The following PRDM15 variants were observed in gnomAD, a reference collection of about 807,000 sequenced individuals.
PRDM15 encodes PR/SET domain 15.
PRDM15 carries 64 observed loss-of-function variants against 128.6 expected under a neutral mutation model. That is an observed-to-expected ratio of 0.50 (90% CI 0.41 to 0.61). The LOEUF (loss-of-function observed/expected upper bound fraction) is 0.61. Among genes scored for constraint, PRDM15 ranks in the 20% least tolerant of loss-of-function variants. The pLI is 0.00. For synonymous variants in PRDM15, 615 were observed against 621.8 expected (o/e 0.99, Z 0.16); for missense variants, 1,242 against 1,569.1 (o/e 0.79, Z 3.52).
At chr21:41,806,459 C>T (rs1332296818) in intron 21 of PRDM15, among the ~76,000 whole-genome samples, 13 of 74,700 alleles carry the variant, frequency 1.7e-4, no homozygotes, top group Non-Finnish European at 2.1e-4. Flanking sequence ...CACCCATCAC[C>T]ATCACCACCA....
At chr21:41,872,393 ATATAT>A (rs1479156618) in intron 1 of PRDM15, among the ~76,000 whole-genome samples, 1 of 152,190 alleles carries the variant, frequency 6.6e-6, no homozygotes, top group Non-Finnish European at 1.5e-5. Flanking sequence ...AAATCGATGT[ATATAT>A]TATGACTCTG....
chr21:41,854,920 G>T lies in PRDM15; in HGVS notation c.286-102C>A. 1 of 1,348,074 alleles carries T rather than the reference G, an allele frequency of 7.4e-7. No individual in the cohort carries two copies. Among genetic ancestry groups the T allele is most frequent in the African/African-American group, 1.5e-5 (1 of 68,932 alleles). 83.5% of individuals were successfully genotyped at this position (1,348,074 alleles called of 1,614,324 possible). ...GTGCTGAGGAACCCATCTAGACAGT[G>T]CCACGTCAGAGGCCATAAGGGCTCC... is the stretch of plus-strand genomic sequence containing the variant. On this transcript the variant is annotated intron_variant, in intron 4 of 23. Transcript: ENST00000398548. The surrounding 1 kb of genome is among the most constrained non-coding windows in gnomAD (Gnocchi z 4.6).
chr21:41,874,525 A>ATATATATATATATATATATTTTTTTT, intron 1 of PRDM15, among the ~76,000 whole-genome samples: 1 of 95,828 alleles, frequency 1.0e-5, no homozygotes, highest in Non-Finnish European at 2.0e-5. Context: ...ATATATATAT[A>ATATATATATATATATATATTTTTTTT]TTTTTTTTTT....
At chr21:41,838,662 C>G (rs1413118969) in intron 7 of PRDM15, among the ~76,000 whole-genome samples, 1 of 152,180 alleles carries the variant, frequency 6.6e-6, no homozygotes, top group African/African-American at 2.4e-5. Context: ...ACACGCTTTC[C>G]CCCGCCCCCA....
intron 14 of PRDM15, 164 bp downstream of exon 14, chr21:41,823,154 C>A (rs772867477): frequency 1.1e-6 from 1 of 915,816 alleles, no homozygotes; most frequent in Non-Finnish European, 1.7e-6. Flanking sequence ...CGCCAGACAC[C>A]GAATCTATGG....
chr21:41,831,564 G>T (rs2062692441), intron 11 of PRDM15, among the ~76,000 whole-genome samples: 1 of 152,244 alleles, frequency 6.6e-6, no homozygotes, highest in South Asian at 2.1e-4. Context: ...AGCCCAGGTT[G>T]GGGGTGAGGG....
intron 7 of PRDM15, 32 bp from the exon 8 acceptor site, chr21:41,838,095 C>T: frequency 6.2e-7 from 1 of 1,610,854 alleles, no homozygotes; most frequent in Non-Finnish European, 8.5e-7. Context: ...AGCTAAGTAA[C>T]CACAAGAGCA....
intron 22 of PRDM15, among the ~76,000 whole-genome samples, chr21:41,803,952 T>C (rs62216225): frequency 0.12 from 17,425 of 150,150 alleles, 1,062 homozygotes; most frequent in African/African-American, 0.14. Flanking sequence ...AACATTTTAA[T>C]GATTGTTCTG....
chr21:41,859,963 G>T lies in PRDM15; in HGVS notation c.38-278C>A, dbSNP rs534023779. ...CCGCCGCACGCCTCAAATCAAGCAC[G>T]GTCACCTCCATGGTGACGAAGACCA... is the stretch of plus-strand genomic sequence containing the variant. On this transcript the variant is annotated intron_variant, in intron 2 of 23. Coordinates refer to ENST00000398548, the MANE Select transcript of PRDM15 (RefSeq NM_001040424.3). The surrounding 1 kb of genome is among the most constrained non-coding windows in gnomAD (Gnocchi z 5.3). Among the ~76,000 whole-genome samples the T allele has an allele frequency of 1.3e-5, 2 of 152,058 alleles. No homozygotes were observed. Among genetic ancestry groups the T allele is most frequent in the African/African-American group, 2.4e-5 (1 of 41,422 alleles).
intron 1 of PRDM15, chr21:41,867,325 G>A: frequency 2.5e-6 from 4 of 1,613,726 alleles, no homozygotes; most frequent in Admixed American, 1.7e-5. Context: ...TCTTCCCCAG[G>A]GCTGGGGGCA....
intron 1 of PRDM15, among the ~76,000 whole-genome samples, chr21:41,861,209 C>A (rs1395029447): frequency 6.6e-6 from 1 of 152,242 alleles, no homozygotes; most frequent in Admixed American, 6.5e-5. Context: ...GCCCCATAAA[C>A]ACTTGCTTCT....
At chr21:41,835,962 AGCCCCCGCCC>A in intron 10 of PRDM15, 141 bp downstream of exon 10, 27 of 124,744 alleles carry the variant, frequency 2.2e-4, no homozygotes, top group Non-Finnish European at 3.3e-4. Context: ...CCTCCCCCAC[AGCCCCCGCCC>A]ACTCTCCTCC....
At chr21:41,807,617 T>C (rs1285033508) in intron 21 of PRDM15, among the ~76,000 whole-genome samples, 1 of 152,064 alleles carries the variant, frequency 6.6e-6, no homozygotes, top group Non-Finnish European at 1.5e-5. Context: ...TACTTCTTAT[T>C]TTTCTGTCTC....
At position 41,821,148 on chromosome 21, in the gene PRDM15, T is replaced by C. The variant is rs1316281930; in HGVS notation, c.1979A>G (p.Asn660Ser). The change falls in exon 16 of 24, where the codon AAC (asparagine) becomes AGC (serine). Residue 660 changes from asparagine (N) to serine (S), a missense_variant. By Grantham distance (46) the Asn-to-Ser change is conservative. Transcript: ENST00000398548. This position sits in a 1 kb window ranked among gnomAD's most constrained non-coding sequence, Gnocchi z 5.4. ...KEKGYGCSIC[N>S]RRFALKATYH... The stretch of plus-strand genomic sequence containing the variant: ...GGTGGCCTTCAGTGCAAAGCGCCGG[T>C]TGCAGATGCTGCAGCCATAGCCCTT... The C allele has an allele frequency of 1.2e-6, 2 of 1,614,192 alleles. No homozygotes were observed. Among genetic ancestry groups the C allele is most frequent in the Non-Finnish European group, 1.7e-6 (2 of 1,179,988 alleles).
intron 1 of PRDM15, among the ~76,000 whole-genome samples, chr21:41,864,134 G>A (rs973485939): frequency 6.6e-6 from 1 of 152,074 alleles, no homozygotes; most frequent in Non-Finnish European, 1.5e-5. Context: ...CAGCCACCGC[G>A]CCTGGCCTGC....
rs2146449153 is a variant in PRDM15 at position 41,826,032 on chromosome 21, C to G, written c.1557G>C (p.Glu519Asp). 2 of 1,614,172 alleles carry G rather than the reference C, an allele frequency of 1.2e-6. No homozygotes were observed. ...GGTTCTCCCCACCGGCCTCCAGGTC[C>G]TCTCGCTTCACTCGCCGCACTCCTG... Reference protein sequence around the residue: ...HLEGVRRVKREDLEAGGENLV... With the variant: ...HLEGVRRVKRDDLEAGGENLV... The change falls in exon 13 of 24, where the codon GAG (glutamate) becomes GAC (aspartate). Residue 519 changes from glutamate (E) to aspartate (D), a missense_variant. Physicochemically the swap from Glu to Asp is conservative, Grantham distance 45. Coordinates refer to ENST00000398548, the MANE Select transcript of PRDM15 (RefSeq NM_001040424.3).
In PRDM15 at chr21:41,828,092, T is replaced by C. The variant is rs2062533088; in HGVS notation, c.1534+74A>G. The C allele has an allele frequency of 3.3e-6, 5 of 1,535,146 alleles. No homozygotes were observed. The highest frequency in any genetic ancestry group is 1.4e-5 in the African/African-American group (1 of 73,476). On this transcript the variant is annotated intron_variant, in intron 12 of 23. Transcript: ENST00000398548. The surrounding 1 kb of genome is among the most constrained non-coding windows in gnomAD (Gnocchi z 5.7). The stretch of plus-strand genomic sequence containing the variant: ...ACTGCTCCCCAAAGGCCCTGCTGAC[T>C]GCTCCATGCCGCCCTGCCCCACCCC...
chr21:41,858,073 C>T (rs1421087711), intron 3 of PRDM15, among the ~76,000 whole-genome samples: 11 of 152,208 alleles, frequency 7.2e-5, no homozygotes, highest in South Asian at 2.1e-4. Context: ...ACAGGGAACT[C>T]GCTGCTGAGG....
At chr21:41,850,265 G>A (rs1298961236) in intron 5 of PRDM15, among the ~76,000 whole-genome samples, 3 of 107,934 alleles carry the variant, frequency 2.8e-5, no homozygotes, top group South Asian at 6.5e-4. Flanking sequence ...CCATAACAAC[G>A]CCCTGCTGGC....
Sources: gnomAD v4.1 joint callset for allele counts (sites outside exome capture counted in the v4.1 genomes callset) on GRCh38, gnomAD v4.1.1 for gene constraint, Gnocchi (gnomAD v3.1) non-coding constraint, MANE v1.5 for transcripts, NCBI Gene and HGNC (gene_info 2026-07-23, HGNC 2026-07-21) for gene names.